CACNA2D3: variants seen among roughly 807,000 people sequenced by gnomAD.
CACNA2D3 encodes voltage-dependent calcium channel subunit alpha-2/delta-3.
In CACNA2D3, 60 loss-of-function variants were observed where a neutral mutation model predicts 160.6. That is an observed-to-expected ratio of 0.37 (90% CI 0.30 to 0.46). The LOEUF is 0.46. CACNA2D3 is among the 20% of genes least tolerant of loss of function. CACNA2D3 has a pLI of 1.00. For missense variants in CACNA2D3, 1,205 were observed against 1,365.0 expected (o/e 0.88, Z 1.85); for synonymous variants, 558 against 492.9 (o/e 1.13, Z -1.75).
intron 5 of CACNA2D3, among the ~76,000 whole-genome samples, chr3:54,534,755 T>C (rs1701861134): frequency 9.6e-6 from 1 of 104,524 alleles, no homozygotes; most frequent in South Asian, 3.2e-4. Context: ...AAACGTTGTC[T>C]CTACAAAAAA....
At chr3:54,876,672 C>A (rs958933322) in intron 18 of CACNA2D3, among the ~76,000 whole-genome samples, 1 of 152,326 alleles carries the variant, frequency 6.6e-6, no homozygotes, top group South Asian at 2.1e-4. Context: ...GGCCTCGTTA[C>A]CCTGGGCAAA....
intron 11 of CACNA2D3, among the ~76,000 whole-genome samples, chr3:54,747,992 G>T (rs1001995209): frequency 6.6e-6 from 1 of 152,154 alleles, no homozygotes. Flanking sequence ...CCAAGAAAAT[G>T]TGAAGTCCCT....
At chr3:54,197,982 G>A (rs1404831975) in intron 2 of CACNA2D3, among the ~76,000 whole-genome samples, 1 of 152,230 alleles carries the variant, frequency 6.6e-6, no homozygotes, top group African/African-American at 2.4e-5. Flanking sequence ...GATTAGGAAG[G>A]TGATGTTGTA....
chr3:54,290,988 C>T (rs1229419576), intron 2 of CACNA2D3, among the ~76,000 whole-genome samples: 1 of 152,126 alleles, frequency 6.6e-6, no homozygotes, highest in Non-Finnish European at 1.5e-5. Context: ...AGCACACCAA[C>T]ATGGCACATG....
At chr3:54,723,119 C>T (rs1341745625) in intron 11 of CACNA2D3, among the ~76,000 whole-genome samples, 1 of 152,322 alleles carries the variant, frequency 6.6e-6, no homozygotes, top group African/African-American at 2.4e-5. Flanking sequence ...GGCAGTCTGG[C>T]CAGAGCAGCC....
chr3:54,402,541 AG>A (rs1699488010), intron 4 of CACNA2D3, among the ~76,000 whole-genome samples: 1 of 152,212 alleles, frequency 6.6e-6, no homozygotes, highest in Non-Finnish European at 1.5e-5. Flanking sequence ...AAAGACAAAT[AG>A]GGTCACTATT....
chr3:54,437,584 G>T (rs1207488387), intron 4 of CACNA2D3, among the ~76,000 whole-genome samples: 1 of 152,178 alleles, frequency 6.6e-6, no homozygotes, highest in Admixed American at 6.5e-5. Context: ...CAGCCAAGGG[G>T]TGCCGATATT....
At chr3:54,131,797 T>C (rs1699714439) in intron 2 of CACNA2D3, among the ~76,000 whole-genome samples, 1 of 152,180 alleles carries the variant, frequency 6.6e-6, no homozygotes, top group African/African-American at 2.4e-5. Context: ...CCTAATCTTG[T>C]CCTTTGCACA....
At chr3:55,011,232 A>G (rs945184136) in intron 34 of CACNA2D3, among the ~76,000 whole-genome samples, 6 of 152,232 alleles carry the variant, frequency 3.9e-5, no homozygotes, top group African/African-American at 1.4e-4. Context: ...CTGACAGCCC[A>G]GTGGAGCAGG....
At chr3:54,541,573 T>C (rs1393604188) in intron 5 of CACNA2D3, among the ~76,000 whole-genome samples, 2 of 152,174 alleles carry the variant, frequency 1.3e-5, no homozygotes, top group African/African-American at 4.8e-5. Flanking sequence ...CTGGTGGTGG[T>C]AGCTTTGTTA....
intron 2 of CACNA2D3, among the ~76,000 whole-genome samples, chr3:54,126,372 T>G (rs868268325): frequency 6.6e-6 from 1 of 152,374 alleles, no homozygotes; most frequent in South Asian, 2.1e-4. Flanking sequence ...GTATTGTTAC[T>G]GACTTCATCA....
At chr3:54,919,018 G>T in intron 27 of CACNA2D3, 1 of 733,782 alleles carries the variant, frequency 1.4e-6, no homozygotes, top group Non-Finnish European at 2.0e-6. Context: ...AAATCCTGGA[G>T]TCAAAGAATT....
rs901290487 is a variant in CACNA2D3, at chr3:54,453,021, C to T, written c.382-50471C>T. Among the ~76,000 whole-genome samples the T allele has an allele frequency of 6.0e-5, 9 of 151,146 alleles. No individual in the cohort carries two copies. The East Asian group carries it at 1.7e-3, about 29-fold the overall frequency. ...TCTCCTCTTTCTTTCTGACAGGGTC[C>T]CTCTCTGTCACCCAAGCTGGAGTGC... On this transcript the variant is annotated intron_variant, in intron 4 of 37. Transcript: ENST00000474759.
At chr3:54,755,709 T>C (rs559577358) in intron 12 of CACNA2D3, among the ~76,000 whole-genome samples, 5 of 152,274 alleles carry the variant, frequency 3.3e-5, no homozygotes, top group African/African-American at 1.2e-4. Flanking sequence ...TTCTTGAAAT[T>C]AGTTTTGGAA....
intron 11 of CACNA2D3, among the ~76,000 whole-genome samples, chr3:54,742,179 G>T (rs1701663858): frequency 6.6e-6 from 1 of 152,184 alleles, no homozygotes; most frequent in Admixed American, 6.5e-5. Context: ...AGCACTTTGG[G>T]AAGTCGAGGC....
intron 10 of CACNA2D3, among the ~76,000 whole-genome samples, chr3:54,637,254 G>C (rs954248080): frequency 6.6e-6 from 1 of 151,854 alleles, no homozygotes; most frequent in Non-Finnish European, 1.5e-5. Flanking sequence ...GTAGGGTAAG[G>C]GTGATTAGGT....
chr3:54,411,276 T>A (rs1173433331), intron 4 of CACNA2D3, among the ~76,000 whole-genome samples: 1 of 152,220 alleles, frequency 6.6e-6, no homozygotes, highest in Non-Finnish European at 1.5e-5. Context: ...TTAAAAGGAT[T>A]GACTCCAGTT....
intron 27 of CACNA2D3, chr3:54,924,597 G>C (rs765946517): frequency 4.9e-5 from 76 of 1,566,344 alleles, no homozygotes; most frequent in East Asian, 6.7e-5. Context: ...CAGATGGGGG[G>C]TTCCAAATAG....
intron 4 of CACNA2D3, among the ~76,000 whole-genome samples, chr3:54,475,839 CAG>C (rs549425099): frequency 1.4e-3 from 64 of 45,680 alleles, no homozygotes; most frequent in Non-Finnish European, 2.2e-3. Context: ...GTGTGTGTGA[CAG>C]AGAGAGAGGA....
Sources: allele counts gnomAD v4.1 joint callset (sites outside exome capture counted in the v4.1 genomes callset), GRCh38; gene constraint gnomAD v4.1.1; transcripts MANE v1.5; gene names NCBI Gene and HGNC (gene_info 2026-07-23, HGNC 2026-07-21).